Variants in PTPRD observed in about 807,000 individuals in gnomAD.
PTPRD encodes protein tyrosine phosphatase receptor type D.
Under a neutral mutation model 214.5 loss-of-function variants are expected in PTPRD, and 34 were observed. The ratio of observed to expected loss-of-function variants is 0.16; its 90% CI spans 0.12 to 0.21. The LOEUF (loss-of-function observed/expected upper bound fraction) is 0.21, where lower values mean the gene tolerates loss of function less well. Among genes scored for constraint, PTPRD ranks in the 10% least tolerant of loss-of-function variants. PTPRD has a pLI of 1.00. For synonymous variants in PTPRD, 1,128 were observed against 845.7 expected (o/e 1.33, Z -5.79); for missense variants, 2,545 against 2,398.7 (o/e 1.06, Z -1.27).
intron 12 of PTPRD, among the ~76,000 whole-genome samples, chr9:8,731,301 A>T (rs758070370): frequency 6.6e-6 from 1 of 152,216 alleles, no homozygotes; most frequent in African/African-American, 2.4e-5. Context: ...AAAGGAGGAC[A>T]AACATTTGAA....
intron 33 of PTPRD, among the ~76,000 whole-genome samples, chr9:8,457,250 C>T (rs1310325576): frequency 1.3e-5 from 2 of 152,074 alleles, no homozygotes; most frequent in Non-Finnish European, 2.9e-5. Flanking sequence ...GACTTGGATT[C>T]GGGTTTCTTG....
chr9:8,810,437 G>A (rs563346147), intron 11 of PTPRD, among the ~76,000 whole-genome samples: 29 of 152,154 alleles, frequency 1.9e-4, no homozygotes, highest in East Asian at 3.9e-4. Context: ...TGCTTTTAGC[G>A]TCTGAGTGGA....
At chr9:10,050,559 C>T (rs1346160085) in intron 3 of PTPRD, among the ~76,000 whole-genome samples, 1 of 13,990 alleles carries the variant, frequency 7.1e-5, no homozygotes, top group East Asian at 2.7e-3. Context: ...GAGTCTGTCT[C>T]AAAAAAAAAA....
intron 5 of PTPRD, among the ~76,000 whole-genome samples, chr9:9,845,908 A>G (rs556333067): frequency 6.6e-6 from 1 of 152,212 alleles, no homozygotes; most frequent in East Asian, 1.9e-4. Context: ...TTAATGACAT[A>G]CACCTGGAGC....
At chr9:9,581,183 T>A (rs1011599378) in intron 7 of PTPRD, among the ~76,000 whole-genome samples, 4 of 152,150 alleles carry the variant, frequency 2.6e-5, no homozygotes, top group Admixed American at 1.3e-4. Context: ...TAAATTATAA[T>A]TAATTTTAGA....
At chr9:9,673,067 T>G (rs2096860860) in intron 7 of PTPRD, among the ~76,000 whole-genome samples, 1 of 151,992 alleles carries the variant, frequency 6.6e-6, no homozygotes, top group Non-Finnish European at 1.5e-5. Flanking sequence ...TTAATAGTGA[T>G]TCAAGGGACA....
In PTPRD at chr9:8,518,251, G is replaced by A. The variant is rs754925680; in HGVS notation, c.1140C>T (p.Val380=). The A allele has an allele frequency of 1.5e-5, 25 of 1,614,014 alleles. No homozygotes were observed. The highest frequency in any genetic ancestry group is 4.5e-5 in the East Asian group (2 of 44,882). The change falls in exon 21 of 46, where the codon GTC becomes GTT. Residue 380 remains valine, a synonymous_variant. Coordinates refer to ENST00000381196, the MANE Select transcript of PTPRD (RefSeq NM_002839.4). ...IDGVATTRYS[V]AGLSPYSDYE... is the part of the protein sequence containing the mutation. ...AATCCGAGTAGGGACTTAGTCCAGCGACACTGTAGCGTGTGGTCGCCACCC... is the reference window on the plus strand; with the variant it reads ...AATCCGAGTAGGGACTTAGTCCAGCAACACTGTAGCGTGTGGTCGCCACCC...
intron 10 of PTPRD, among the ~76,000 whole-genome samples, chr9:9,155,472 T>A (rs1195316081): frequency 6.6e-6 from 1 of 152,088 alleles, no homozygotes; most frequent in Non-Finnish European, 1.5e-5. Context: ...CCTACAAAGG[T>A]GGCACATATT....
chr9:9,793,214 T>C (rs1386537639), intron 5 of PTPRD, among the ~76,000 whole-genome samples: 1 of 152,140 alleles, frequency 6.6e-6, no homozygotes, highest in Non-Finnish European at 1.5e-5. Context: ...CATAAGTTGA[T>C]AGATGCCAAT....
chr9:9,221,686 C>T (rs1022432740), intron 9 of PTPRD, among the ~76,000 whole-genome samples: 7 of 151,976 alleles, frequency 4.6e-5, no homozygotes, highest in African/African-American at 1.4e-4. Context: ...TCCTCAAAGG[C>T]CCTATCTCCA....
intron 9 of PTPRD, among the ~76,000 whole-genome samples, chr9:9,350,048 G>C (rs1423771853): frequency 6.6e-6 from 1 of 152,008 alleles, no homozygotes; most frequent in Admixed American, 6.6e-5. Context: ...TGCTTGAAGA[G>C]GTAGGAACGG....
chr9:9,456,597 C>T (rs2093036798), intron 8 of PTPRD, among the ~76,000 whole-genome samples: 1 of 151,842 alleles, frequency 6.6e-6, no homozygotes, highest in Non-Finnish European at 1.5e-5. Context: ...CACTATTAGC[C>T]TCTAACTATC....
chr9:8,658,359 A>G (rs1565055125), intron 12 of PTPRD, among the ~76,000 whole-genome samples: 1 of 152,210 alleles, frequency 6.6e-6, no homozygotes, highest in Non-Finnish European at 1.5e-5. Context: ...TATGAGAACC[A>G]CTGTGAGTCC....
chr9:9,162,886 C>G (rs890412237), intron 10 of PTPRD, among the ~76,000 whole-genome samples: 1 of 152,030 alleles, frequency 6.6e-6, no homozygotes, highest in Non-Finnish European at 1.5e-5. Context: ...TTACATGTTG[C>G]GAAATGTAGA....
chr9:10,393,605 A>C (rs533506375), intron 2 of PTPRD, among the ~76,000 whole-genome samples: 1 of 150,484 alleles, frequency 6.6e-6, no homozygotes, highest in South Asian at 2.1e-4. Context: ...AGTCTGGGCA[A>C]TATAGCAAGA....
chr9:9,535,831 G>A (rs2076406063), intron 8 of PTPRD, among the ~76,000 whole-genome samples: 1 of 152,054 alleles, frequency 6.6e-6, no homozygotes, highest in South Asian at 2.1e-4. Flanking sequence ...GTGTGTGGGG[G>A]AGGGGTGTGT....
intron 12 of PTPRD, chr9:8,713,621 G>A: frequency 6.5e-7 from 1 of 1,535,108 alleles, no homozygotes; most frequent in East Asian, 2.2e-5. Flanking sequence ...ACCACCGCGG[G>A]CGCTGTCACC....
At chr9:9,405,890 A>G (rs2073112953) in intron 8 of PTPRD, among the ~76,000 whole-genome samples, 1 of 151,840 alleles carries the variant, frequency 6.6e-6, no homozygotes, top group African/African-American at 2.4e-5. Flanking sequence ...ATAATTTGTA[A>G]TTTGCTTAAA....
At chr9:10,175,707 C>T (rs1420324395) in intron 3 of PTPRD, among the ~76,000 whole-genome samples, 5 of 151,762 alleles carry the variant, frequency 3.3e-5, no homozygotes, top group African/African-American at 4.8e-5. Flanking sequence ...TTCTAATTTT[C>T]AAAAATCTTT....
Sources: allele counts gnomAD v4.1 joint callset (sites outside exome capture counted in the v4.1 genomes callset), GRCh38; gene constraint gnomAD v4.1.1; transcripts MANE v1.5; gene names NCBI Gene and HGNC (gene_info 2026-07-23, HGNC 2026-07-21).